FARS2: variants seen among roughly 807,000 people sequenced by gnomAD.
FARS2 encodes the protein phenylalanyl-tRNA synthetase 2, mitochondrial.
A neutral mutation model predicts 46.4 loss-of-function variants in FARS2; 40 were observed. The observed-to-expected ratio is 0.86, with a 90% CI of 0.67 to 1.12. FARS2 has a LOEUF of 1.12. Among genes scored for constraint, FARS2 ranks in the 50% most tolerant of loss-of-function variants. The pLI is 0.00. For synonymous variants in FARS2, 234 were observed against 214.9 expected (o/e 1.09, Z -0.78); for missense variants, 513 against 567.9 (o/e 0.90, Z 0.98).
intron 3 of FARS2, among the ~76,000 whole-genome samples, chr6:5,406,929 A>G (rs1478046411): frequency 6.6e-6 from 1 of 151,466 alleles, no homozygotes; most frequent in Non-Finnish European, 1.5e-5. Context: ...AGCCATTCTA[A>G]CAGGAGTCCA....
intron 3 of FARS2, among the ~76,000 whole-genome samples, chr6:5,423,739 G>C (rs1008028831): frequency 6.6e-6 from 1 of 152,114 alleles, no homozygotes; most frequent in Non-Finnish European, 1.5e-5. Flanking sequence ...ATTCCACTTG[G>C]CACTCTGCAG....
At chr6:5,538,517 G>A (rs779299566) in intron 4 of FARS2, among the ~76,000 whole-genome samples, 1 of 152,122 alleles carries the variant, frequency 6.6e-6, no homozygotes, top group Non-Finnish European at 1.5e-5. Context: ...AATTTTGACC[G>A]ATTATGTAGC....
intron 4 of FARS2, among the ~76,000 whole-genome samples, chr6:5,506,612 A>G (rs1768115397): frequency 1.3e-5 from 2 of 152,194 alleles, no homozygotes; most frequent in African/African-American, 2.4e-5. Flanking sequence ...CCAGACGGGT[A>G]TCACTCTGTG....
chr6:5,666,334 G>A (rs1778118961), intron 6 of FARS2, among the ~76,000 whole-genome samples: 1 of 152,196 alleles, frequency 6.6e-6, no homozygotes, highest in African/African-American at 2.4e-5. Context: ...AACACTTGCT[G>A]GTTAATGGCC....
intron 1 of FARS2, among the ~76,000 whole-genome samples, chr6:5,319,173 C>T (rs181177278): frequency 6.8e-4 from 103 of 152,196 alleles, no homozygotes; most frequent in Admixed American, 6.5e-3. Flanking sequence ...TATACTGTCT[C>T]TCTAAAATAA....
At chr6:5,437,662 G>A (rs1047463395) in intron 4 of FARS2, among the ~76,000 whole-genome samples, 1 of 151,974 alleles carries the variant, frequency 6.6e-6, no homozygotes, top group African/African-American at 2.4e-5. Flanking sequence ...ATCCATTCCT[G>A]TCTTGTCTTC....
chr6:5,700,561 C>G (rs1351893188), intron 6 of FARS2, among the ~76,000 whole-genome samples: 1 of 152,088 alleles, frequency 6.6e-6, no homozygotes, highest in African/African-American at 2.4e-5. Flanking sequence ...CCATGTCCAG[C>G]TGATTTTTGT....
chr6:5,681,839 G>A (rs1166794676), intron 6 of FARS2, among the ~76,000 whole-genome samples: 1 of 152,174 alleles, frequency 6.6e-6, no homozygotes, highest in Non-Finnish European at 1.5e-5. Context: ...TCCTGAGGCT[G>A]GTGGCTACAT....
At chr6:5,363,447 T>G (rs1181687632) in intron 1 of FARS2, among the ~76,000 whole-genome samples, 1 of 152,094 alleles carries the variant, frequency 6.6e-6, no homozygotes, top group Non-Finnish European at 1.5e-5. Context: ...TTCCTTCCAT[T>G]CTTTTCTTTT....
intron 1 of FARS2, among the ~76,000 whole-genome samples, chr6:5,272,085 C>G (rs1765996412): frequency 6.6e-6 from 1 of 152,084 alleles, no homozygotes; most frequent in Non-Finnish European, 1.5e-5. Flanking sequence ...TTGAAACCTG[C>G]CCAGGGCATG....
intron 6 of FARS2, among the ~76,000 whole-genome samples, chr6:5,701,232 C>A (rs1407519989): frequency 6.6e-6 from 1 of 152,226 alleles, no homozygotes; most frequent in Non-Finnish European, 1.5e-5. Context: ...CTAGCAGCCC[C>A]CGGAGAGTTA....
intron 6 of FARS2, among the ~76,000 whole-genome samples, chr6:5,725,222 G>A (rs1416537156): frequency 1.3e-5 from 2 of 152,230 alleles, no homozygotes; most frequent in Non-Finnish European, 2.9e-5. Context: ...CCTGTTTTGG[G>A]GATGGCGTGA....
intron 6 of FARS2, among the ~76,000 whole-genome samples, chr6:5,650,842 A>C (rs9504476): frequency 0.4 from 60,413 of 151,974 alleles, 12,303 homozygotes; most frequent in Non-Finnish European, 0.43. Flanking sequence ...CTGGAGAGGG[A>C]GTGTGCTCCA....
At chr6:5,488,184 A>G (rs1766892284) in intron 4 of FARS2, among the ~76,000 whole-genome samples, 1 of 152,104 alleles carries the variant, frequency 6.6e-6, no homozygotes, top group African/African-American at 2.4e-5. Context: ...ATCTTCCCTA[A>G]CTTGATCCCA....
intron 6 of FARS2, among the ~76,000 whole-genome samples, chr6:5,719,714 G>A (rs1759765518): frequency 6.6e-6 from 1 of 152,198 alleles, no homozygotes; most frequent in Non-Finnish European, 1.5e-5. Flanking sequence ...TGTCATTGGT[G>A]TGACACTAAC....
intron 4 of FARS2, among the ~76,000 whole-genome samples, chr6:5,460,429 A>G (rs9405270): frequency 0.057 from 8,699 of 152,284 alleles, 301 homozygotes; most frequent in African/African-American, 0.1. Context: ...AAACAGAAAG[A>G]GACTTAAAAC....
chr6:5,620,431 T>C (rs1775710706), intron 6 of FARS2, among the ~76,000 whole-genome samples: 3 of 152,180 alleles, frequency 2.0e-5, no homozygotes, highest in Admixed American at 2.0e-4. Context: ...TAGTGGGGGC[T>C]CTTGTCCCAA....
At chr6:5,624,546 A>G (rs1323656253) in intron 6 of FARS2, among the ~76,000 whole-genome samples, 1 of 152,240 alleles carries the variant, frequency 6.6e-6, no homozygotes, top group African/African-American at 2.4e-5. Context: ...CTGCTGTTGC[A>G]ATGCACACCT....
At chr6:5,614,563 C>T (rs1409187579) in intron 6 of FARS2, among the ~76,000 whole-genome samples, 1 of 152,158 alleles carries the variant, frequency 6.6e-6, no homozygotes, top group Admixed American at 6.5e-5. Flanking sequence ...GCGCCTGCTA[C>T]GGCCCCCGGC....
Sources: allele counts gnomAD v4.1 joint callset (sites outside exome capture counted in the v4.1 genomes callset), GRCh38; gene constraint gnomAD v4.1.1; transcripts MANE v1.5; gene names NCBI Gene and HGNC (gene_info 2026-07-23, HGNC 2026-07-21).